PRKG1: variants seen among roughly 807,000 people sequenced by gnomAD.
PRKG1 encodes the protein protein kinase cGMP-dependent 1.
Under a neutral mutation model 88.1 loss-of-function variants are expected in PRKG1, and 35 were observed. That is an observed-to-expected ratio of 0.40 (90% CI 0.30 to 0.53). The LOEUF is 0.53. PRKG1 is among the 20% of genes least tolerant of loss of function. The pLI is 0.59. For synonymous variants in PRKG1, 303 were observed against 292.5 expected (o/e 1.04, Z -0.37); for missense variants, 540 against 839.8 (o/e 0.64, Z 4.41).
intron 9 of PRKG1, among the ~76,000 whole-genome samples, chr10:52,174,790 A>C (rs1838813120): frequency 6.6e-6 from 1 of 152,048 alleles, no homozygotes; most frequent in Admixed American, 6.5e-5. Flanking sequence ...GTTCAAAAAT[A>C]GTATGACCAA....
intron 1 of PRKG1, among the ~76,000 whole-genome samples, chr10:50,994,292 T>A (rs565560768): frequency 6.6e-6 from 1 of 152,182 alleles, no homozygotes; most frequent in Admixed American, 6.5e-5. Context: ...TATTAAAGGA[T>A]TTCTGGGATA....
intron 3 of PRKG1, among the ~76,000 whole-genome samples, chr10:51,754,793 C>G (rs1837814842): frequency 6.6e-6 from 1 of 152,096 alleles, no homozygotes; most frequent in Non-Finnish European, 1.5e-5. Context: ...TTCAGATAAA[C>G]TATTTAAATA....
intron 2 of PRKG1, among the ~76,000 whole-genome samples, chr10:51,442,642 G>A (rs1028956691): frequency 5.9e-5 from 9 of 152,082 alleles, no homozygotes; most frequent in African/African-American, 2.2e-4. Context: ...TAAAATAAAT[G>A]AGGCTAATCT....
At chr10:52,188,572 T>C (rs1401101186) in intron 9 of PRKG1, among the ~76,000 whole-genome samples, 1 of 151,882 alleles carries the variant, frequency 6.6e-6, no homozygotes, top group Non-Finnish European at 1.5e-5. Flanking sequence ...TTGGAAACCA[T>C]AATGAATGAA....
intron 4 of PRKG1, among the ~76,000 whole-genome samples, chr10:51,843,160 A>C (rs1349522185): frequency 7.0e-6 from 1 of 142,628 alleles, no homozygotes; most frequent in African/African-American, 2.6e-5. Context: ...GCAGTGACGC[A>C]ATCTTGGCTC....
intron 5 of PRKG1, among the ~76,000 whole-genome samples, chr10:52,006,698 A>G (rs2133160876): frequency 6.6e-6 from 1 of 152,350 alleles, no homozygotes; most frequent in African/African-American, 2.4e-5. Context: ...CTTAGAAAAC[A>G]TATTTCAGGT....
chr10:51,418,107 G>A, intron 2 of PRKG1, among the ~76,000 whole-genome samples: 1 of 152,182 alleles, frequency 6.6e-6, no homozygotes, highest in East Asian at 1.9e-4. Flanking sequence ...GCAACTGTGA[G>A]TGAGATAAAA....
chr10:52,166,457 G>A (rs1185898119), intron 9 of PRKG1, among the ~76,000 whole-genome samples: 8 of 131,862 alleles, frequency 6.1e-5, no homozygotes, highest in African/African-American at 1.4e-4. Flanking sequence ...TTTTTGAGAC[G>A]GAGTCTCGCT....
chr10:52,077,460 C>G (rs890122342), intron 7 of PRKG1, among the ~76,000 whole-genome samples: 1 of 152,012 alleles, frequency 6.6e-6, no homozygotes, highest in African/African-American at 2.4e-5. Context: ...TGGCAGGAGA[C>G]AGAGATTATA....
At chr10:51,467,183 T>C (rs1438708397) in intron 2 of PRKG1, among the ~76,000 whole-genome samples, 1 of 152,052 alleles carries the variant, frequency 6.6e-6, no homozygotes, top group East Asian at 1.9e-4. Flanking sequence ...AGTTTGTTTT[T>C]TCCTACAGTT....
intron 1 of PRKG1, among the ~76,000 whole-genome samples, chr10:51,063,616 G>A (rs1472928563): frequency 1.3e-5 from 2 of 152,150 alleles, no homozygotes; most frequent in Non-Finnish European, 2.9e-5. Context: ...ATTACATGAT[G>A]CATGACTGTA....
intron 3 of PRKG1, among the ~76,000 whole-genome samples, chr10:51,720,320 C>G (rs1841982709): frequency 6.6e-6 from 1 of 152,106 alleles, no homozygotes; most frequent in Admixed American, 6.6e-5. Context: ...CCTAAAAGTT[C>G]CAATTCTGAG....
intron 2 of PRKG1, among the ~76,000 whole-genome samples, chr10:51,417,427 A>T (rs1422592548): frequency 6.6e-6 from 1 of 152,218 alleles, no homozygotes; most frequent in Non-Finnish European, 1.5e-5. Context: ...GGGTTTAATA[A>T]TATGCGCAAG....
rs149829168 is a variant in PRKG1, at chr10:51,620,555, C to A, written c.592+152719C>A. Reference sequence around the variant, plus strand: ...GACTTAAAGCCCTGTGTTTTTCAGGCCATTGTTAAACATTATACATCGTTG... The same window carrying A: ...GACTTAAAGCCCTGTGTTTTTCAGGACATTGTTAAACATTATACATCGTTG... On this transcript the variant is annotated intron_variant, in intron 3 of 17. Coordinates refer to ENST00000373980, the MANE Select transcript of PRKG1 (RefSeq NM_006258.4). Among the ~76,000 whole-genome samples the A allele has an allele frequency of 1.7e-3, 257 of 151,604 alleles. 2 individuals are homozygous for A. The highest frequency in any genetic ancestry group is 5.9e-3 in the African/African-American group (244 of 41,494).
chr10:51,985,703 T>C (rs1316810977), intron 5 of PRKG1, among the ~76,000 whole-genome samples: 1 of 152,212 alleles, frequency 6.6e-6, no homozygotes, highest in East Asian at 1.9e-4. Context: ...GGTTGTATCA[T>C]ACTTTAAATT....
intron 5 of PRKG1, among the ~76,000 whole-genome samples, chr10:52,001,533 T>G (rs997612073): frequency 1.3e-5 from 2 of 151,988 alleles, no homozygotes; most frequent in Admixed American, 1.3e-4. Flanking sequence ...TTTTGCCTCT[T>G]TTTTAGGAAT....
chr10:52,226,326 T>C (rs189822019), intron 9 of PRKG1, among the ~76,000 whole-genome samples: 2 of 152,162 alleles, frequency 1.3e-5, no homozygotes, highest in East Asian at 3.9e-4. Flanking sequence ...TTGCATGATT[T>C]ACCAGTCTCA....
At chr10:52,069,403 A>C (rs1229328620) in intron 7 of PRKG1, among the ~76,000 whole-genome samples, 1 of 152,042 alleles carries the variant, frequency 6.6e-6, no homozygotes, top group African/African-American at 2.4e-5. Context: ...CGATGGCACA[A>C]GCCTGTAATT....
intron 1 of PRKG1, among the ~76,000 whole-genome samples, chr10:50,992,437 C>A (rs1028668100): frequency 2.0e-5 from 3 of 152,196 alleles, no homozygotes; most frequent in Non-Finnish European, 2.9e-5. Flanking sequence ...GCACCTGAAG[C>A]AGATTTGAGG....
Sources: allele counts gnomAD v4.1 joint callset (sites outside exome capture counted in the v4.1 genomes callset), GRCh38; gene constraint gnomAD v4.1.1; transcripts MANE v1.5; gene names NCBI Gene and HGNC (gene_info 2026-07-23, HGNC 2026-07-21).